Variants in HYAL4 observed in about 807,000 individuals in gnomAD.
HYAL4 encodes hyaluronidase 4.
HYAL4 carries 37 observed loss-of-function variants against 35.2 expected under a neutral mutation model. That is an observed-to-expected ratio of 1.05 (90% CI 0.81 to 1.38). HYAL4 has a LOEUF of 1.38. Among genes scored for constraint, HYAL4 ranks in the 40% most tolerant of loss-of-function variants. HYAL4 has a pLI of 0.00. For missense variants in HYAL4, 572 were observed against 572.4 expected, an observed-to-expected ratio of 1.00 and a Z score of 0.01; for synonymous variants, 198 against 203.2, an observed-to-expected ratio of 0.97 and a Z score of 0.22.
intron 1 of HYAL4, among the ~76,000 whole-genome samples, chr7:123,835,328 A>G (rs1805948051): frequency 6.6e-6 from 1 of 152,064 alleles, no homozygotes; most frequent in South Asian, 2.1e-4. Context: ...TTTTTCCAGG[A>G]ATTTATCCAT....
In HYAL4 at chr7:123,869,147, A is replaced by G. The variant is rs764687190; in HGVS notation, c.874A>G (p.Thr292Ala). 1.5e-5 allele frequency: 24 copies of G among 1,614,026 alleles called. No individual in the cohort carries two copies. In the South Asian group the frequency reaches 1.8e-4, roughly 12 times the overall value. ...TGAATCCATGAGGATCTCCACCATG[A>G]CATCTCATGATTATGCTCTGCCTGT... Reference protein sequence around the residue: ...VHESMRISTMTSHDYALPVFV... With the variant: ...VHESMRISTMASHDYALPVFV... The change falls in exon 3 of 5, where the codon ACA (threonine) becomes GCA (alanine). Residue 292 changes from threonine to alanine, a missense_variant. Coordinates refer to ENST00000223026, the MANE Select transcript of HYAL4 (RefSeq NM_012269.3).
upstream of HYAL4, among the ~76,000 whole-genome samples, chr7:123,843,354 C>T (rs1584912349): frequency 6.6e-6 from 1 of 152,114 alleles, no homozygotes; most frequent in South Asian, 2.1e-4. Flanking sequence ...TGTAGCATTT[C>T]TGCTGAAAGA....
chr7:123,867,426 A>C lies in HYAL4; in HGVS notation c.-51-797A>C, dbSNP rs898339345. Among the ~76,000 whole-genome samples the C allele has an allele frequency of 3.3e-5, 5 of 152,198 alleles. No homozygotes were observed. In the South Asian group the frequency reaches 1.0e-3, roughly 31 times the overall value. Reference sequence around the variant, plus strand: ...TGAGGCATCTGGTGTCTCATTGTTTAGATGTGATAATCTGGTAAGTTTCAG... The same window carrying C: ...TGAGGCATCTGGTGTCTCATTGTTTCGATGTGATAATCTGGTAAGTTTCAG... On this transcript the variant is annotated intron_variant, in intron 2 of 4. Coordinates refer to ENST00000223026, the MANE Select transcript of HYAL4 (RefSeq NM_012269.3).
chr7:123,786,833 C>T, the HYAL4 span, among the ~76,000 whole-genome samples: 1 of 151,780 alleles, frequency 6.6e-6, no homozygotes, highest in Non-Finnish European at 1.5e-5. Flanking sequence ...ATTAACTGGG[C>T]GCGGTGGCTC....
intron 2 of HYAL4, among the ~76,000 whole-genome samples, chr7:123,849,798 C>T (rs1027253867): frequency 2.0e-5 from 3 of 152,120 alleles, no homozygotes; most frequent in East Asian, 1.9e-4. Flanking sequence ...ACACAGGAGG[C>T]GGAGATTGCA....
the HYAL4 span, among the ~76,000 whole-genome samples, chr7:123,778,147 A>G: frequency 1.3e-3 from 189 of 142,176 alleles, no homozygotes; most frequent in Middle Eastern, 3.5e-3. Flanking sequence ...CCATCTTTCT[A>G]TCTGTCTGTC....
the HYAL4 span, among the ~76,000 whole-genome samples, chr7:123,805,456 G>C: frequency 6.6e-6 from 1 of 152,088 alleles, no homozygotes; most frequent in Non-Finnish European, 1.5e-5. Context: ...AATGTGAAGG[G>C]GGAAGTGAGA....
intron 1 of HYAL4, among the ~76,000 whole-genome samples, chr7:123,832,285 A>AT (rs940941555): frequency 6.6e-6 from 1 of 151,424 alleles, no homozygotes; most frequent in Admixed American, 6.6e-5. Flanking sequence ...CTTTCTTAAA[A>AT]TTTTTTTTAT....
chr7:123,837,573 C>T (rs1009313245), intron 1 of HYAL4, among the ~76,000 whole-genome samples: 5 of 151,924 alleles, frequency 3.3e-5, no homozygotes, highest in East Asian at 1.9e-4. Flanking sequence ...ATGTGCACAA[C>T]GTGCAAATTA....
intron 2 of HYAL4, among the ~76,000 whole-genome samples, chr7:123,858,742 A>G (rs540411317): frequency 2.0e-5 from 3 of 152,336 alleles, no homozygotes; most frequent in African/African-American, 7.2e-5. Flanking sequence ...CCCTAAAGAC[A>G]GTATTGTGAT....
At chr7:123,827,583 ATG>A (rs1445555780), upstream of HYAL4, among the ~76,000 whole-genome samples, 3 of 152,298 alleles carry the variant, frequency 2.0e-5, no homozygotes, top group Non-Finnish European at 4.4e-5. Flanking sequence ...TAAAAACAGC[ATG>A]TGTTTCTAAA....
chr7:123,860,428 CCTTT>C (rs1563000462), intron 2 of HYAL4, among the ~76,000 whole-genome samples: 4 of 152,024 alleles, frequency 2.6e-5, no homozygotes, highest in East Asian at 3.9e-4. Flanking sequence ...TGCATATATT[CCTTT>C]CTTTGAAAAA....
chr7:123,871,208 T>G (rs75915738), intron 3 of HYAL4, among the ~76,000 whole-genome samples: 112 of 151,986 alleles, frequency 7.4e-4, no homozygotes, highest in African/African-American at 2.5e-3. Context: ...TTTTTTTTTT[T>G]TTAGATGGAG....
At chr7:123,764,612 T>G in the HYAL4 span, among the ~76,000 whole-genome samples, 1 of 152,158 alleles carries the variant, frequency 6.6e-6, no homozygotes, top group Non-Finnish European at 1.5e-5. Context: ...ATGGAGTGAG[T>G]GACGAAGGGA....
chr7:123,794,512 G>A, the HYAL4 span, among the ~76,000 whole-genome samples: 1 of 152,192 alleles, frequency 6.6e-6, no homozygotes, highest in African/African-American at 2.4e-5. Flanking sequence ...TCTGCTCTAT[G>A]CGCCTTGAGA....
At chr7:123,821,665 A>T in the HYAL4 span, among the ~76,000 whole-genome samples, 9 of 152,126 alleles carry the variant, frequency 5.9e-5, no homozygotes. Flanking sequence ...CCATTTGTCC[A>T]TGTTTCTTTT....
chr7:123,814,959 A>G, the HYAL4 span: 23 of 152,530 alleles, frequency 1.5e-4, no homozygotes, highest in African/African-American at 5.1e-4. Flanking sequence ...AAATGGCTAG[A>G]CATGACTATG....
the HYAL4 span, among the ~76,000 whole-genome samples, chr7:123,817,147 G>C: frequency 6.6e-6 from 1 of 152,136 alleles, no homozygotes; most frequent in African/African-American, 2.4e-5. Context: ...AAAGAATGCA[G>C]ATTGCACCAT....
intron 1 of HYAL4, among the ~76,000 whole-genome samples, chr7:123,838,382 T>G (rs1470904925): frequency 6.6e-6 from 1 of 151,958 alleles, no homozygotes; most frequent in Non-Finnish European, 1.5e-5. Context: ...TATTACATAA[T>G]TAATCATGCT....
Sources: allele counts gnomAD v4.1 joint callset (sites outside exome capture counted in the v4.1 genomes callset), GRCh38; gene constraint gnomAD v4.1.1; transcripts MANE v1.5; gene names NCBI Gene and HGNC (gene_info 2026-07-23, HGNC 2026-07-21).